The following NSMCE1 variants were observed in gnomAD, a reference collection of about 807,000 sequenced individuals.
NSMCE1 encodes NSE1 component of SMC5/6 complex.
A neutral mutation model predicts 29.6 loss-of-function variants in NSMCE1; 18 were observed. That is an observed-to-expected ratio of 0.61 (90% CI 0.42 to 0.90). The LOEUF is 0.90. NSMCE1 is among the 40% of genes least tolerant of loss of function. The pLI, the probability that NSMCE1 is intolerant of heterozygous loss-of-function variation, is 0.00. For missense variants in NSMCE1, 314 were observed against 343.6 expected (o/e 0.91, Z 0.68); for synonymous variants, 124 against 133.4 (o/e 0.93, Z 0.49).
intron 1 of NSMCE1, among the ~76,000 whole-genome samples, chr16:27,261,166 C>CAAAAAAAAA (rs11420728): frequency 1.0e-5 from 1 of 98,102 alleles, no homozygotes; most frequent in African/African-American, 3.8e-5. Context: ...GACTCCGTCT[C>CAAAAAAAAA]AAAAAAAAAA....
chr16:27,258,661 G>T (rs1488367670), intron 1 of NSMCE1, among the ~76,000 whole-genome samples: 1 of 152,130 alleles, frequency 6.6e-6, no homozygotes, highest in African/African-American at 2.4e-5. Context: ...CATAGAGGAA[G>T]CCTAAATGAG....
At chr16:27,264,525 C>T (rs1042321469) in intron 1 of NSMCE1, among the ~76,000 whole-genome samples, 1 of 152,052 alleles carries the variant, frequency 6.6e-6, no homozygotes, top group South Asian at 2.1e-4. Flanking sequence ...TACTTGATGG[C>T]GGATGAAAGC....
At chr16:27,248,142 A>G (rs2083977662) in intron 2 of NSMCE1, among the ~76,000 whole-genome samples, 1 of 152,176 alleles carries the variant, frequency 6.6e-6, no homozygotes, top group Non-Finnish European at 1.5e-5. Flanking sequence ...GGCCATTACA[A>G]ATAAAGATAC....
At chr16:27,247,117 C>A (rs919477360) in intron 2 of NSMCE1, among the ~76,000 whole-genome samples, 3 of 152,122 alleles carry the variant, frequency 2.0e-5, no homozygotes, top group Admixed American at 6.5e-5. Context: ...ATTTCCATCA[C>A]CCCCAATATG....
intron 2 of NSMCE1, among the ~76,000 whole-genome samples, chr16:27,251,165 T>TATATATATATATATATATATATAA (rs2084025351): frequency 1.6e-5 from 1 of 63,098 alleles, no homozygotes; most frequent in Non-Finnish European, 2.5e-5. Context: ...TTAAAATATA[T>TATATATATATATATATATATATAA]ATATATATAT....
chr16:27,259,896 C>G (rs4787419), intron 1 of NSMCE1, among the ~76,000 whole-genome samples: 64,838 of 151,976 alleles, frequency 0.43, 15,295 homozygotes, highest in African/African-American at 0.63. Context: ...ATGCTGGGAG[C>G]GGGTGTCTCA....
rs541884949 is a variant in NSMCE1 at position 27,226,662 on chromosome 16, C to G, written c.600+58G>C. ...GCCAGGATTCCGGGAAGTACCTGTACAGAGCCCCGGGAGCCGAGGGCCCAG... is the reference window on the plus strand; with the variant it reads ...GCCAGGATTCCGGGAAGTACCTGTAGAGAGCCCCGGGAGCCGAGGGCCCAG... On this transcript the variant is annotated intron_variant, in intron 6 of 7. Transcript: ENST00000361439. 8.7e-5 allele frequency: 99 copies of G among 1,131,976 alleles called. 1 individual carries two copies. The African/African-American group carries it at 1.3e-3, about 14-fold the overall frequency. The allele number at this position is 1,131,976 out of a possible 1,614,324, so 70.1% of individuals were successfully genotyped here.
At position 27,233,158 on chromosome 16, in the gene NSMCE1, G is replaced by C; in HGVS notation, c.337-11C>G. 6.2e-7 allele frequency: 1 copy of C among 1,609,504 alleles called. No homozygotes were observed. The highest frequency in any genetic ancestry group is 8.5e-7 in the Non-Finnish European group (1 of 1,178,482). Reference sequence around the variant, plus strand: ...AATAATCAGTTCCAGCTGGAAGAAAGAGCAGGTATCATGCTCATCTATTAA... The same window carrying C: ...AATAATCAGTTCCAGCTGGAAGAAACAGCAGGTATCATGCTCATCTATTAA... On this transcript the variant is annotated splice_polypyrimidine_tract_variant and intron_variant, in intron 4 of 7. Transcript: ENST00000361439.
At chr16:27,239,046 A>AT (rs1247560899) in intron 2 of NSMCE1, among the ~76,000 whole-genome samples, 4 of 151,870 alleles carry the variant, frequency 2.6e-5, no homozygotes, top group African/African-American at 9.7e-5. Flanking sequence ...AATTTTTTGT[A>AT]TTTTTAGTAG....
intron 1 of NSMCE1, among the ~76,000 whole-genome samples, chr16:27,265,931 G>A (rs1352910195): frequency 6.6e-6 from 1 of 152,190 alleles, no homozygotes; most frequent in East Asian, 1.9e-4. Context: ...TTATCTTTGA[G>A]GAGGGAAGAA....
At chr16:27,250,990 C>T (rs1333214638) in intron 2 of NSMCE1, among the ~76,000 whole-genome samples, 3 of 146,770 alleles carry the variant, frequency 2.0e-5, no homozygotes, top group Non-Finnish European at 4.5e-5. Flanking sequence ...TACAGGCATG[C>T]ACCACCGTGC....
chr16:27,250,600 T>C (rs1329567394), intron 2 of NSMCE1, among the ~76,000 whole-genome samples: 1 of 151,732 alleles, frequency 6.6e-6, no homozygotes, highest in Non-Finnish European at 1.5e-5. Flanking sequence ...AAGACCAGCC[T>C]GGCCAACACG....
At chr16:27,233,542 C>T (rs950031372) in intron 4 of NSMCE1, among the ~76,000 whole-genome samples, 2 of 152,198 alleles carry the variant, frequency 1.3e-5, no homozygotes, top group African/African-American at 2.4e-5. Context: ...TAATAATCCC[C>T]AGGAGAAGAT....
intron 1 of NSMCE1, among the ~76,000 whole-genome samples, chr16:27,259,448 T>C (rs2084129712): frequency 6.6e-6 from 1 of 152,134 alleles, no homozygotes; most frequent in Admixed American, 6.5e-5. Flanking sequence ...TGTGCTAGGC[T>C]AAAAACAATG....
At chr16:27,227,519 C>G (rs2083711418) in intron 5 of NSMCE1, among the ~76,000 whole-genome samples, 1 of 152,192 alleles carries the variant, frequency 6.6e-6, no homozygotes, top group Admixed American at 6.5e-5. Context: ...TGCAGCTCCC[C>G]AGGCCGACCC....
At chr16:27,243,583 CA>C (rs770630822) in intron 2 of NSMCE1, among the ~76,000 whole-genome samples, 4 of 152,168 alleles carry the variant, frequency 2.6e-5, no homozygotes, top group Non-Finnish European at 5.9e-5. Context: ...GTCCAGAAGC[CA>C]AAACTAACCC....
intron 6 of NSMCE1, chr16:27,226,129 G>A: frequency 9.5e-6 from 3 of 317,014 alleles, no homozygotes; most frequent in Non-Finnish European, 1.8e-5. Flanking sequence ...GGTGGCGTGT[G>A]GACAGCCACA....
At chr16:27,251,173 TATATATATATATATATAA>T (rs1221847466) in intron 2 of NSMCE1, among the ~76,000 whole-genome samples, 55 of 50,728 alleles carry the variant, frequency 1.1e-3, no homozygotes, top group African/African-American at 4.5e-3. Flanking sequence ...TATATATATA[TATATATATATATATATAA>T]ATATATATAT....
At chr16:27,251,085 C>A (rs1193033940) in intron 2 of NSMCE1, among the ~76,000 whole-genome samples, 1 of 146,464 alleles carries the variant, frequency 6.8e-6, no homozygotes, top group African/African-American at 2.5e-5. Flanking sequence ...AGGTGATCTG[C>A]CCACCTCAGC....
Sources: allele counts gnomAD v4.1 joint callset (sites outside exome capture counted in the v4.1 genomes callset), GRCh38; gene constraint gnomAD v4.1.1; transcripts MANE v1.5; gene names NCBI Gene and HGNC (gene_info 2026-07-23, HGNC 2026-07-21).